The following CSMD3 variants were observed in gnomAD, a reference collection of about 807,000 sequenced individuals.
The protein encoded by CSMD3 is CUB and sushi domain-containing protein 3.
In CSMD3, 177 loss-of-function variants were observed where a neutral mutation model predicts 435.2. The ratio of observed to expected loss-of-function variants is 0.41; its 90% confidence interval spans 0.36 to 0.46. The LOEUF (loss-of-function observed/expected upper bound fraction) is 0.46, where lower values mean the gene tolerates loss of function less well. Ranked by LOEUF, CSMD3 falls within the 20% of genes least tolerant of loss-of-function variation. The pLI is 0.34. For synonymous variants in CSMD3, 1,656 were observed against 1,520.5 expected, an observed-to-expected ratio of 1.09 and a Z score of -2.07; for missense variants, 4,265 against 4,504.6, an observed-to-expected ratio of 0.95 and a Z score of 1.52.
intron 3 of CSMD3, among the ~76,000 whole-genome samples, chr8:113,215,057 CCA>C (rs2092886099): frequency 6.6e-6 from 1 of 151,614 alleles, no homozygotes; most frequent in African/African-American, 2.4e-5. Flanking sequence ...GTATACAGAG[CCA>C]CATATAGAGA....
intron 66 of CSMD3, among the ~76,000 whole-genome samples, chr8:112,239,281 C>T (rs1349047570): frequency 6.6e-6 from 1 of 152,038 alleles, no homozygotes; most frequent in Non-Finnish European, 1.5e-5. Flanking sequence ...TTCAATTAAA[C>T]TCCTTTAAAT....
At chr8:112,414,006 A>G (rs1323412206) in intron 32 of CSMD3, among the ~76,000 whole-genome samples, 1 of 152,104 alleles carries the variant, frequency 6.6e-6, no homozygotes, top group Non-Finnish European at 1.5e-5. Flanking sequence ...CAGTACTGTT[A>G]GGGTGGTTTG....
At chr8:112,518,029 G>A (rs953923242) in intron 27 of CSMD3, among the ~76,000 whole-genome samples, 9 of 152,012 alleles carry the variant, frequency 5.9e-5, no homozygotes, top group African/African-American at 1.9e-4. Context: ...TCATTCAACA[G>A]GTAAATGTTT....
At chr8:113,403,217 T>C (rs565916008) in intron 1 of CSMD3, among the ~76,000 whole-genome samples, 106 of 151,444 alleles carry the variant, frequency 7.0e-4, no homozygotes, top group African/African-American at 2.4e-3. Flanking sequence ...ATATTACAAA[T>C]ATGATGAATA....
At chr8:113,323,497 G>C (rs1010329767) in intron 1 of CSMD3, among the ~76,000 whole-genome samples, 7 of 152,120 alleles carry the variant, frequency 4.6e-5, no homozygotes, top group Non-Finnish European at 7.4e-5. Flanking sequence ...AGTTTAACGT[G>C]TGTTTTGATT....
intron 3 of CSMD3, among the ~76,000 whole-genome samples, chr8:113,218,078 C>T (rs888210957): frequency 4.0e-5 from 6 of 148,816 alleles, no homozygotes; most frequent in African/African-American, 1.5e-4. Flanking sequence ...GCCTTCCTAT[C>T]TTTCAGCACT....
intron 3 of CSMD3, among the ~76,000 whole-genome samples, chr8:113,213,670 A>G (rs2092866764): frequency 6.6e-6 from 1 of 152,040 alleles, no homozygotes; most frequent in African/African-American, 2.4e-5. Flanking sequence ...TACAATTATG[A>G]AGCCCATACA....
intron 10 of CSMD3, among the ~76,000 whole-genome samples, chr8:112,899,080 C>T (rs888526965): frequency 2.0e-5 from 3 of 151,140 alleles, no homozygotes; most frequent in Admixed American, 6.6e-5. Context: ...ACAACTCGGA[C>T]ATGTACACCA....
At chr8:112,751,857 A>G (rs1176703379) in intron 13 of CSMD3, among the ~76,000 whole-genome samples, 2 of 152,070 alleles carry the variant, frequency 1.3e-5, no homozygotes, top group African/African-American at 4.8e-5. Context: ...TATGCAGGAT[A>G]TGCAGGTTTG....
At chr8:112,452,857 GTT>G (rs1295896465) in intron 32 of CSMD3, among the ~76,000 whole-genome samples, 2 of 151,996 alleles carry the variant, frequency 1.3e-5, no homozygotes, top group African/African-American at 4.8e-5. Flanking sequence ...ATTCTGAACT[GTT>G]TTCTGAACTC....
At chr8:112,820,471 C>T (rs113712714) in intron 12 of CSMD3, among the ~76,000 whole-genome samples, 3,167 of 151,890 alleles carry the variant, frequency 0.021, 56 homozygotes, top group Middle Eastern at 0.048. Flanking sequence ...ATTACAAAAA[C>T]GGCTAAATCT....
intron 5 of CSMD3, among the ~76,000 whole-genome samples, chr8:113,046,096 G>C (rs1035758401): frequency 2.7e-5 from 4 of 149,032 alleles, no homozygotes; most frequent in African/African-American, 9.7e-5. Context: ...GTGGTCTATC[G>C]GGAAGTACCC....
intron 1 of CSMD3, among the ~76,000 whole-genome samples, chr8:113,390,377 A>C (rs965032197): frequency 2.0e-5 from 3 of 151,812 alleles, no homozygotes; most frequent in African/African-American, 4.8e-5. Context: ...CTAACTTCTT[A>C]AATTGAAGAA....
At chr8:112,340,556 C>T (rs533325089) in intron 42 of CSMD3, among the ~76,000 whole-genome samples, 4 of 152,168 alleles carry the variant, frequency 2.6e-5, no homozygotes, top group Admixed American at 2.6e-4. Flanking sequence ...GATACAAAAG[C>T]ATTACATAAA....
chr8:112,408,219 C>T, intron 34 of CSMD3, 99 bp downstream of exon 34: 1 of 878,052 alleles, frequency 1.1e-6, no homozygotes, highest in Admixed American at 1.7e-5. Context: ...TGCTTAAAAA[C>T]ACTTTTATCT....
At chr8:113,240,257 T>C (rs1022560534) in intron 3 of CSMD3, among the ~76,000 whole-genome samples, 40 of 152,292 alleles carry the variant, frequency 2.6e-4, no homozygotes, top group Admixed American at 2.4e-3. Context: ...CAGTCCATCA[T>C]TGATGAGCAT....
chr8:113,148,173 A>C (rs984263599), intron 4 of CSMD3, among the ~76,000 whole-genome samples: 1 of 151,886 alleles, frequency 6.6e-6, no homozygotes, highest in South Asian at 2.1e-4. Flanking sequence ...GCCTCTCACT[A>C]TTCCAAATGT....
intron 5 of CSMD3, among the ~76,000 whole-genome samples, chr8:113,080,271 T>C (rs2089506936): frequency 6.6e-6 from 1 of 152,180 alleles, no homozygotes; most frequent in Non-Finnish European, 1.5e-5. Context: ...TTTACATCTC[T>C]CTTTCTTAAT....
chr8:113,137,996 A>G (rs2091457420), intron 4 of CSMD3, among the ~76,000 whole-genome samples: 1 of 151,562 alleles, frequency 6.6e-6, no homozygotes, highest in African/African-American at 2.4e-5. Context: ...TAACAAACTT[A>G]CTTAACATTT....
Sources: allele counts gnomAD v4.1 joint callset (sites outside exome capture counted in the v4.1 genomes callset), GRCh38; gene constraint gnomAD v4.1.1; transcripts MANE v1.5; gene names NCBI Gene and HGNC (gene_info 2026-07-23, HGNC 2026-07-21).